CSGALNACT1: variants seen among roughly 807,000 people sequenced by gnomAD.
CSGALNACT1 encodes chondroitin sulfate N-acetylgalactosaminyltransferase 1.
Under a neutral mutation model 51.0 loss-of-function variants are expected in CSGALNACT1, and 52 were observed. The observed-to-expected ratio is 1.02, with a 90% CI of 0.82 to 1.29. The LOEUF (loss-of-function observed/expected upper bound fraction) is 1.29, where lower values mean the gene tolerates loss of function less well. CSGALNACT1 is among the 50% of genes most tolerant of loss of function. The pLI, the probability that CSGALNACT1 is intolerant of heterozygous loss-of-function variation, is 0.00. For missense variants in CSGALNACT1, 935 were observed against 679.2 expected, an observed-to-expected ratio of 1.38 and a Z score of -4.19; for synonymous variants, 341 against 254.4, an observed-to-expected ratio of 1.34 and a Z score of -3.24.
At chr8:19,531,387 A>G (rs913137332) in intron 3 of CSGALNACT1, among the ~76,000 whole-genome samples, 6 of 152,218 alleles carry the variant, frequency 3.9e-5, no homozygotes, top group African/African-American at 9.6e-5. Flanking sequence ...CTGGACTGCT[A>G]AAGAAATTGC....
intron 1 of CSGALNACT1, among the ~76,000 whole-genome samples, chr8:19,608,286 C>A (rs1418607304): frequency 6.6e-6 from 1 of 152,146 alleles, no homozygotes. Context: ...TATACATTCC[C>A]ACACCTTATA....
chr8:19,530,785 T>C (rs76158061), intron 3 of CSGALNACT1, among the ~76,000 whole-genome samples: 5,650 of 152,294 alleles, frequency 0.037, 346 homozygotes, highest in African/African-American at 0.13. Flanking sequence ...TAAGACTATT[T>C]ACCTGAAGTC....
At chr8:19,746,981 A>G (rs529303726) in intron 1 of CSGALNACT1, among the ~76,000 whole-genome samples, 4 of 152,148 alleles carry the variant, frequency 2.6e-5, no homozygotes, top group Non-Finnish European at 5.9e-5. Context: ...TAAAGAGCCA[A>G]TGCCTCCCAC....
rs141489658 is a variant in CSGALNACT1, at chr8:19,515,803, G to A, written c.-296-9673C>T. On this transcript the variant is annotated intron_variant, in intron 3 of 9. Transcript: ENST00000454498. ...AGGGGCTTCCTGTCTATGCCAGACC[G>A]TCTAGTCCCATTCCTTACAACTGCC... Among the ~76,000 whole-genome samples, 1,276 of 152,188 alleles carry A rather than the reference G, an allele frequency of 8.4e-3. 19 individuals are homozygous for A. Among genetic ancestry groups the A allele is most frequent in the South Asian group, 0.024 (116 of 4,810 alleles).
At chr8:19,590,876 C>T (rs11204053) in intron 3 of CSGALNACT1, among the ~76,000 whole-genome samples, 16 of 151,822 alleles carry the variant, frequency 1.1e-4, no homozygotes, top group African/African-American at 3.6e-4. Flanking sequence ...GTTTTGAACT[C>T]GTGACCTCAA....
At position 19,671,983 on chromosome 8, in the gene CSGALNACT1, TA is replaced by T. The variant is rs1224862659; in HGVS notation, c.-544+10489del. Among the ~76,000 whole-genome samples, 23 of 152,312 alleles carry T rather than the reference TA, an allele frequency of 1.5e-4. No individual in the cohort carries two copies. The South Asian group carries it at 4.4e-3, about 29-fold the overall frequency. Reference sequence around the variant, plus strand: ...CTCATTGGGGCAGTTAGATGTTTTTTAAAAAAGCTATTATAAATAACGCTTC... The same window carrying T: ...CTCATTGGGGCAGTTAGATGTTTTTTAAAAAGCTATTATAAATAACGCTTC... On this transcript the variant is annotated intron_variant, in intron 1 of 9. Transcript: ENST00000332246.
At chr8:19,694,024 C>T (rs1161165825) in intron 1 of CSGALNACT1, among the ~76,000 whole-genome samples, 1 of 151,960 alleles carries the variant, frequency 6.6e-6, no homozygotes, top group East Asian at 1.9e-4. Flanking sequence ...TCATCAAATA[C>T]AGCAATTTTA....
chr8:19,701,301 G>T (rs2061866179), intron 1 of CSGALNACT1, among the ~76,000 whole-genome samples: 1 of 151,818 alleles, frequency 6.6e-6, no homozygotes, highest in African/African-American at 2.4e-5. Context: ...GATTACAGAT[G>T]TGCCACCACA....
At chr8:19,619,464 T>C (rs919818401) in intron 1 of CSGALNACT1, among the ~76,000 whole-genome samples, 2 of 152,024 alleles carry the variant, frequency 1.3e-5, no homozygotes, top group Non-Finnish European at 2.9e-5. Flanking sequence ...TAGTTTTAAA[T>C]GCTCATTCTG....
At chr8:19,638,860 T>C (rs547639415) in intron 1 of CSGALNACT1, among the ~76,000 whole-genome samples, 2 of 152,286 alleles carry the variant, frequency 1.3e-5, no homozygotes, top group Non-Finnish European at 2.9e-5. Flanking sequence ...CACATTCTGA[T>C]GTAAAAGCAT....
At chr8:19,555,466 C>G (rs1304926672) in intron 3 of CSGALNACT1, among the ~76,000 whole-genome samples, 1 of 152,156 alleles carries the variant, frequency 6.6e-6, no homozygotes, top group East Asian at 1.9e-4. Flanking sequence ...AACTCCCAAA[C>G]TTTTCGAGAT....
At chr8:19,708,830 T>C (rs752757384) in intron 1 of CSGALNACT1, among the ~76,000 whole-genome samples, 5 of 152,326 alleles carry the variant, frequency 3.3e-5, no homozygotes, top group South Asian at 2.1e-4. Context: ...GAGTGCTCCC[T>C]ATTCCTGGAA....
At chr8:19,521,204 G>T (rs2080615330) in intron 3 of CSGALNACT1, among the ~76,000 whole-genome samples, 1 of 152,088 alleles carries the variant, frequency 6.6e-6, no homozygotes, top group Non-Finnish European at 1.5e-5. Flanking sequence ...GATCAGAATT[G>T]AATTTTAGCA....
chr8:19,456,625 T>C (rs553319300), intron 5 of CSGALNACT1, among the ~76,000 whole-genome samples: 20 of 152,234 alleles, frequency 1.3e-4, no homozygotes, highest in African/African-American at 4.8e-4. Context: ...AAAAGAAGGT[T>C]GAAAGAAGCC....
At chr8:19,453,401 T>G (rs1451125217) in intron 5 of CSGALNACT1, among the ~76,000 whole-genome samples, 1 of 151,838 alleles carries the variant, frequency 6.6e-6, no homozygotes, top group East Asian at 1.9e-4. Context: ...ACTGACACAA[T>G]AAAGGTTTAA....
intron 1 of CSGALNACT1, among the ~76,000 whole-genome samples, chr8:19,617,828 GAATA>G (rs2053242615): frequency 6.6e-6 from 1 of 152,194 alleles, no homozygotes; most frequent in African/African-American, 2.4e-5. Context: ...CTTGAAGGAA[GAATA>G]GATAGGCTTT....
At chr8:19,705,531 C>G (rs2062109036) in intron 1 of CSGALNACT1, among the ~76,000 whole-genome samples, 1 of 152,004 alleles carries the variant, frequency 6.6e-6, no homozygotes, top group South Asian at 2.1e-4. Context: ...AGCCCAGGAG[C>G]TCAAGACCAG....
intron 6 of CSGALNACT1, among the ~76,000 whole-genome samples, chr8:19,422,341 T>C (rs565373952): frequency 6.6e-6 from 1 of 152,142 alleles, no homozygotes; most frequent in African/African-American, 2.4e-5. Flanking sequence ...TACAAGTGCA[T>C]GCTACCATGC....
chr8:19,442,571 G>A (rs1264714477), intron 5 of CSGALNACT1, among the ~76,000 whole-genome samples: 2 of 144,816 alleles, frequency 1.4e-5, no homozygotes, highest in Admixed American at 1.4e-4. Flanking sequence ...GGACTGTTGT[G>A]GCGTTGGGGG....
Sources: allele counts gnomAD v4.1 joint callset (sites outside exome capture counted in the v4.1 genomes callset), GRCh38; gene constraint gnomAD v4.1.1; transcripts MANE v1.5; gene names NCBI Gene and HGNC (gene_info 2026-07-23, HGNC 2026-07-21).